RUFY2: variants seen among roughly 807,000 people sequenced by gnomAD.
RUFY2 encodes RUN and FYVE domain containing 2.
In RUFY2, 49 loss-of-function variants were observed where a neutral mutation model predicts 94.4. The ratio of observed to expected loss-of-function variants is 0.52; its 90% CI spans 0.41 to 0.66. RUFY2 has a LOEUF of 0.66. RUFY2 is among the 30% of genes least tolerant of loss of function. The pLI is 0.00. For synonymous variants in RUFY2, 255 were observed against 235.7 expected, an observed-to-expected ratio of 1.08 and a Z score of -0.75; for missense variants, 541 against 692.8, an observed-to-expected ratio of 0.78 and a Z score of 2.46.
intron 15 of RUFY2, among the ~76,000 whole-genome samples, chr10:68,359,008 C>T (rs964488171): frequency 6.6e-6 from 1 of 152,082 alleles, no homozygotes; most frequent in Non-Finnish European, 1.5e-5. Context: ...AAAAAGACGG[C>T]CTCTCTATGA....
At chr10:68,389,416 C>T (rs2049807663) in intron 7 of RUFY2, among the ~76,000 whole-genome samples, 2 of 151,388 alleles carry the variant, frequency 1.3e-5, no homozygotes, top group Admixed American at 1.3e-4. Flanking sequence ...TATGGTGAAA[C>T]CCTGTCTCTA....
intron 13 of RUFY2, among the ~76,000 whole-genome samples, chr10:68,376,489 T>TATATATATATATATATC (rs58358117): frequency 3.9e-4 from 20 of 51,800 alleles, no homozygotes; most frequent in East Asian, 8.3e-4. Context: ...TATATATATA[T>TATATATATATATATATC]ATTCTCAGAA....
At chr10:68,382,571 G>A (rs187048547) in intron 10 of RUFY2, among the ~76,000 whole-genome samples, 9 of 151,200 alleles carry the variant, frequency 6.0e-5, no homozygotes, top group East Asian at 2.0e-4. Context: ...AAAATTAGCC[G>A]GGCGTGGTGG....
chr10:68,378,922 G>A (rs1311868226), intron 12 of RUFY2, among the ~76,000 whole-genome samples: 1 of 152,074 alleles, frequency 6.6e-6, no homozygotes, highest in Non-Finnish European at 1.5e-5. Context: ...AACAATAAAA[G>A]TGAAAAATGC....
chr10:68,363,776 C>A (rs1369594211), intron 14 of RUFY2, 92 bp from the exon 15 acceptor site: 6 of 915,922 alleles, frequency 6.6e-6, no homozygotes, highest in Non-Finnish European at 3.2e-6. Context: ...AAACAAACAT[C>A]CTTTAGCTTT....
At chr10:68,386,875 A>G (rs1470243666) in intron 7 of RUFY2, among the ~76,000 whole-genome samples, 1 of 152,148 alleles carries the variant, frequency 6.6e-6, no homozygotes, top group East Asian at 1.9e-4. Flanking sequence ...GAACTTAGAG[A>G]CATCCAAAGT....
intron 15 of RUFY2, among the ~76,000 whole-genome samples, chr10:68,357,846 T>C (rs1205750471): frequency 6.6e-6 from 1 of 152,176 alleles, no homozygotes; most frequent in African/African-American, 2.4e-5. Context: ...CTACTGTTGA[T>C]CTTTCAACTT....
chr10:68,364,224 C>T (rs980898811), intron 13 of RUFY2, 111 bp from the exon 14 acceptor site: 35 of 967,000 alleles, frequency 3.6e-5, no homozygotes, highest in Non-Finnish European at 4.9e-5. Flanking sequence ...CTTTGTAATG[C>T]ATTTTTCAGA....
intron 6 of RUFY2, 189 bp downstream of exon 6, chr10:68,393,886 C>A: frequency 7.8e-7 from 1 of 1,279,882 alleles, no homozygotes. Context: ...ATTAATAAAA[C>A]CTCCTTCTCC....
intron 11 of RUFY2, among the ~76,000 whole-genome samples, chr10:68,380,798 G>C (rs1390530705): frequency 2.0e-5 from 3 of 151,920 alleles, no homozygotes; most frequent in Non-Finnish European, 2.9e-5. Context: ...GGAGGCAGAG[G>C]TTGCAGTGCG....
At chr10:68,404,976 A>T (rs2051153701) in intron 1 of RUFY2, 132 bp from the exon 2 acceptor site, 3 of 703,308 alleles carry the variant, frequency 4.3e-6, no homozygotes, top group South Asian at 2.4e-5. Flanking sequence ...CCCCAGCTAA[A>T]CCACACCCTT....
At chr10:68,355,113 C>T (rs2046953030) in intron 16 of RUFY2, among the ~76,000 whole-genome samples, 1 of 152,180 alleles carries the variant, frequency 6.6e-6, no homozygotes. Context: ...TCCCAAAGAG[C>T]TCGGATTACG....
At chr10:68,366,698 C>T (rs1281357186) in intron 13 of RUFY2, among the ~76,000 whole-genome samples, 8 of 145,098 alleles carry the variant, frequency 5.5e-5, no homozygotes, top group Non-Finnish European at 1.2e-4. Context: ...GCTAAAATCG[C>T]ACCATTGCAC....
intron 14 of RUFY2, 96 bp downstream of exon 14, chr10:68,363,888 T>C: frequency 1.0e-6 from 1 of 996,312 alleles, no homozygotes. Context: ...ATGACTAGTA[T>C]ATCCATTTCC....
chr10:68,385,048 G>A (rs1589925315), intron 8 of RUFY2, among the ~76,000 whole-genome samples: 1 of 152,192 alleles, frequency 6.6e-6, no homozygotes, highest in East Asian at 1.9e-4. Flanking sequence ...TGGATCACGA[G>A]GTCAGGAGTT....
rs1370055205 is a variant in RUFY2, at chr10:68,343,480, A to C, written c.*2288T>G. On this transcript the variant is annotated 3_prime_UTR_variant, in exon 18 of 18. Transcript: ENST00000602465. ...ACATCTTAAAGCAGTAAAAGTATAC[A>C]GTATTAATGAAACCAAAATTGCCCT... The C allele has an allele frequency of 1.3e-5, 2 of 152,620 alleles. No homozygotes were observed. The highest frequency in any genetic ancestry group is 2.9e-5 in the Non-Finnish European group (2 of 68,030). 9.5% of individuals were successfully genotyped at this position (152,620 alleles called of 1,614,324 possible). A position where few individuals can be genotyped will look rare whatever the true frequency, so the allele number is the denominator to read the frequency against.
chr10:68,375,514 C>T (rs1359408802), intron 13 of RUFY2, among the ~76,000 whole-genome samples: 2 of 152,050 alleles, frequency 1.3e-5, no homozygotes, highest in Non-Finnish European at 2.9e-5. Context: ...GTGGCTCACA[C>T]CTGTAATCCC....
At position 68,353,358 on chromosome 10, in the gene RUFY2, C is replaced by T. The variant is rs116904241; in HGVS notation, c.1599+1995G>A. Among the ~76,000 whole-genome samples the T allele has an allele frequency of 7.7e-3, 1,109 of 144,418 alleles. 90 individuals carry two copies. The East Asian group carries it at 0.19, about 24-fold the overall frequency. 94.7% of individuals were successfully genotyped at this position (144,418 alleles called of 152,430 possible). On this transcript the variant is annotated intron_variant, in intron 16 of 17. Transcript: ENST00000602465. ...AAAAAAAAAAAAAAAATGAGCTAGGCGTGGGGGCAGGTGCCTGTAATTTCA... is the reference window on the plus strand; with the variant it reads ...AAAAAAAAAAAAAAAATGAGCTAGGTGTGGGGGCAGGTGCCTGTAATTTCA...
At chr10:68,393,292 CTAAAA>C in intron 6 of RUFY2, 89 bp from the exon 7 acceptor site, 2 of 610,890 alleles carry the variant, frequency 3.3e-6, no homozygotes, top group Non-Finnish European at 5.5e-6. Context: ...TATTATAAAA[CTAAAA>C]TAATAAAACA....
Sources: gnomAD v4.1 joint callset for allele counts (sites outside exome capture counted in the v4.1 genomes callset) on GRCh38, gnomAD v4.1.1 for gene constraint, MANE v1.5 for transcripts, NCBI Gene and HGNC (gene_info 2026-07-23, HGNC 2026-07-21) for gene names.